AK5: variants seen among roughly 807,000 people sequenced by gnomAD.
AK5 encodes the protein adenylate kinase isoenzyme 5.
A neutral mutation model predicts 69.5 loss-of-function variants in AK5; 27 were observed. The observed-to-expected ratio is 0.39, with a 90% CI of 0.29 to 0.54. AK5 has a LOEUF of 0.54. AK5 is among the 20% of genes least tolerant of loss of function. AK5 has a pLI of 0.71. For missense variants in AK5, 531 were observed against 700.4 expected (o/e 0.76, Z 2.73); for synonymous variants, 260 against 244.4 (o/e 1.06, Z -0.60).
chr1:77,547,250 A>G (rs914733704), intron 13 of AK5, among the ~76,000 whole-genome samples: 3 of 151,028 alleles, frequency 2.0e-5, no homozygotes, highest in South Asian at 4.2e-4. Flanking sequence ...TCATTTCAAC[A>G]TGTAATCAAT....
chr1:77,429,497 G>A (rs1242618050), intron 8 of AK5, among the ~76,000 whole-genome samples: 2 of 152,058 alleles, frequency 1.3e-5, no homozygotes, highest in Non-Finnish European at 2.9e-5. Flanking sequence ...GAGGTGCTGG[G>A]GATACATTGG....
chr1:77,353,684 C>A (rs1315789065), intron 6 of AK5, among the ~76,000 whole-genome samples: 2 of 152,182 alleles, frequency 1.3e-5, no homozygotes, highest in African/African-American at 4.8e-5. Context: ...TCAGACTCAA[C>A]TGCTGTTGTC....
At chr1:77,512,257 C>CAG (rs141879271) in intron 10 of AK5, among the ~76,000 whole-genome samples, 1 of 150,962 alleles carries the variant, frequency 6.6e-6, no homozygotes. Context: ...GAGAGAGAGA[C>CAG]AGAGAGAGAG....
chr1:77,477,071 A>G (rs1487810477), intron 8 of AK5, among the ~76,000 whole-genome samples: 1 of 151,518 alleles, frequency 6.6e-6, no homozygotes, highest in Non-Finnish European at 1.5e-5. Context: ...TCTGTCATCC[A>G]GGCTAGAGTG....
At chr1:77,409,017 G>A (rs4420134) in intron 6 of AK5, among the ~76,000 whole-genome samples, 112,189 of 152,074 alleles carry the variant, frequency 0.74, 42,006 homozygotes, top group Non-Finnish European at 0.81. Context: ...TGTGGTATTT[G>A]GTTTTCTGTT....
intron 6 of AK5, among the ~76,000 whole-genome samples, chr1:77,392,004 C>T (rs1648520126): frequency 6.6e-6 from 1 of 152,116 alleles, no homozygotes; most frequent in South Asian, 2.1e-4. Context: ...GGTACGTAGA[C>T]TCCAACATAC....
chr1:77,453,061 A>C (rs756644430), intron 8 of AK5, among the ~76,000 whole-genome samples: 16 of 152,248 alleles, frequency 1.1e-4, no homozygotes, highest in African/African-American at 3.4e-4. Context: ...TAAGAAATAA[A>C]ACATTGCAAA....
chr1:77,356,414 A>G (rs1662529487), intron 6 of AK5, among the ~76,000 whole-genome samples: 1 of 152,212 alleles, frequency 6.6e-6, no homozygotes, highest in South Asian at 2.1e-4. Flanking sequence ...GGACCAGACA[A>G]GTGAAAGCAA....
chr1:77,467,100 T>A (rs886507551), intron 8 of AK5, among the ~76,000 whole-genome samples: 9 of 152,260 alleles, frequency 5.9e-5, no homozygotes, highest in African/African-American at 2.2e-4. Context: ...AATTGTAACA[T>A]ACTCCTGTAT....
At chr1:77,385,074 T>A (rs1647911813) in intron 6 of AK5, among the ~76,000 whole-genome samples, 1 of 152,200 alleles carries the variant, frequency 6.6e-6, no homozygotes, top group African/African-American at 2.4e-5. Context: ...GACAGGGCAG[T>A]TTTCTTCATG....
At chr1:77,342,505 A>G (rs1252466027) in intron 6 of AK5, among the ~76,000 whole-genome samples, 1 of 152,234 alleles carries the variant, frequency 6.6e-6, no homozygotes, top group Non-Finnish European at 1.5e-5. Flanking sequence ...TGCTAAAACC[A>G]AATGAGCTTT....
chr1:77,415,771 C>T (rs1446318590), intron 7 of AK5, among the ~76,000 whole-genome samples: 1 of 152,178 alleles, frequency 6.6e-6, no homozygotes, highest in Non-Finnish European at 1.5e-5. Context: ...TGTATAAACC[C>T]ATTTCGATTG....
chr1:77,467,375 C>T (rs1018162521), intron 8 of AK5, among the ~76,000 whole-genome samples: 1 of 152,224 alleles, frequency 6.6e-6, no homozygotes, highest in Non-Finnish European at 1.5e-5. Flanking sequence ...TTCCACCCCA[C>T]AGACTTCTGT....
At chr1:77,312,268 T>C (rs953736042) in intron 5 of AK5, among the ~76,000 whole-genome samples, 2 of 152,154 alleles carry the variant, frequency 1.3e-5, no homozygotes, top group Non-Finnish European at 2.9e-5. Context: ...GTATAGTCGC[T>C]GTGCCCTTCA....
At chr1:77,353,535 T>G (rs1449124142) in intron 6 of AK5, among the ~76,000 whole-genome samples, 3 of 152,148 alleles carry the variant, frequency 2.0e-5, no homozygotes, top group Admixed American at 6.6e-5. Flanking sequence ...CTATTTAGAT[T>G]ATCTCATTTC....
chr1:77,378,820 A>G (rs1647419839), intron 6 of AK5, among the ~76,000 whole-genome samples: 1 of 152,246 alleles, frequency 6.6e-6, no homozygotes, highest in African/African-American at 2.4e-5. Flanking sequence ...GAATGCTTAC[A>G]ATCTCTAGGC....
chr1:77,520,600 C>A (rs1557651279), intron 11 of AK5, among the ~76,000 whole-genome samples: 1 of 151,996 alleles, frequency 6.6e-6, no homozygotes, highest in African/African-American at 2.4e-5. Context: ...CATACAGTCA[C>A]ATAGTTTGGT....
At chr1:77,381,286 A>G (rs1010224503) in intron 6 of AK5, among the ~76,000 whole-genome samples, 4 of 152,198 alleles carry the variant, frequency 2.6e-5, no homozygotes, top group Admixed American at 6.5e-5. Flanking sequence ...GGCCCTCACC[A>G]GACACTGAAT....
chr1:77,331,822 T>C (rs1235917494), intron 5 of AK5, among the ~76,000 whole-genome samples: 1 of 152,224 alleles, frequency 6.6e-6, no homozygotes, highest in Non-Finnish European at 1.5e-5. Flanking sequence ...CCTAGGTCTA[T>C]GGTTTTGTTT....
Sources: allele counts gnomAD v4.1 joint callset (sites outside exome capture counted in the v4.1 genomes callset), GRCh38; gene constraint gnomAD v4.1.1; transcripts MANE v1.5; gene names NCBI Gene and HGNC (gene_info 2026-07-23, HGNC 2026-07-21).